Variants in OR52E2 observed in about 807,000 individuals in gnomAD.
The protein encoded by OR52E2 is olfactory receptor family 52 subfamily E member 2, also known as olfactory receptor 52E2.
For synonymous variants in OR52E2, 130 were observed against 143.9 expected, an observed-to-expected ratio of 0.90 and a Z score of 0.69; for missense variants, 443 against 403.9, an observed-to-expected ratio of 1.10 and a Z score of -0.83.
Position 5,059,418 on chromosome 11 carries a change from G to T in OR52E2, c.210C>A (p.Thr70=). 6.2e-7 allele frequency: 1 copy of T among 1,613,702 alleles called. No individual in the cohort carries two copies. Residue 70 remains threonine, a synonymous_variant, in exon 1 of 1, where the codon ACC becomes ACA. Transcript: ENST00000321522. ...PMFYFLAMLA[T]TDVGLSTATI... is the part of the protein sequence containing the mutation. Reference sequence around the variant, plus strand: ...TAGCTGTTGAGAGACCCACATCAGTGGTGGCCAACATGGCCAGGAAGTAGA... The same window carrying T: ...TAGCTGTTGAGAGACCCACATCAGTTGTGGCCAACATGGCCAGGAAGTAGA...
rs1847684482 is a variant in OR52E2, at chr11:5,059,097, G to A, written c.531C>T (p.Pro177=). 1.9e-6 allele frequency: 3 copies of A among 1,613,148 alleles called. No homozygotes were observed. Among genetic ancestry groups the A allele is most frequent in the African/African-American group, 1.3e-5 (1 of 74,972 alleles). Residue 177 remains proline (P), a synonymous_variant, in exon 1 of 1, where the codon CCC becomes CCT. Coordinates refer to ENST00000321522, the MANE Select transcript of OR52E2 (RefSeq NM_001005164.2). ...GACCCATGTGCTCACAGTAGGTGTG[G>A]GGAATTACATGATTCCCACAGAAGG... ...RLPFCGNHVI[P]HTYCEHMGLA...
In OR52E2 at chr11:5,059,245, A is replaced by G; in HGVS notation, c.383T>C (p.Ile128Thr). ...GGCGCTATATTGGAGTGGATTGCAG[A>G]TGGCCACATAGCTGTCATAAGCCAT... ...VAMAYDSYVA[I>T]CNPLQYSAIL... The change falls in exon 1 of 1, where the codon ATC becomes ACC. Residue 128 changes from isoleucine (I) to threonine (T), a missense_variant. Transcript: ENST00000321522. 2 of 1,613,786 alleles carry G rather than the reference A, an allele frequency of 1.2e-6. No individual in the cohort carries two copies. Among genetic ancestry groups the G allele is most frequent in the Non-Finnish European group, 1.7e-6 (2 of 1,179,912 alleles).
In OR52E2 at chr11:5,058,932, A is replaced by T; in HGVS notation, c.696T>A (p.His232Gln). ...TGCTGAGGGACTTGAGTCGGGCTTC[A>T]TGAGTAGGAAGACGGAAAACAGCAC... Reference protein sequence around the residue: ...ILCAVFRLPTHEARLKSLSTC... With the variant: ...ILCAVFRLPTQEARLKSLSTC... The change falls in exon 1 of 1, where the codon CAT (histidine) becomes CAA (glutamine). Residue 232 changes from histidine to glutamine, a missense_variant. By Grantham distance (24) the His-to-Gln change is conservative. Coordinates refer to ENST00000321522, the MANE Select transcript of OR52E2 (RefSeq NM_001005164.2). The T allele has an allele frequency of 6.2e-7, 1 of 1,601,946 alleles. No individual in the cohort carries two copies. Among genetic ancestry groups the T allele is most frequent in the South Asian group, 1.1e-5 (1 of 88,548 alleles).
chr11:5,058,867 G>A lies in OR52E2; in HGVS notation c.761C>T (p.Thr254Ile), dbSNP rs1847679643. 1.3e-6 allele frequency: 2 copies of A among 1,574,610 alleles called. No individual in the cohort carries two copies. The highest frequency in any genetic ancestry group is 1.4e-5 in the African/African-American group (1 of 73,360). Residue 254 changes from threonine to isoleucine, a missense_variant, in exon 1 of 1, where the codon ACA becomes ATA. Coordinates refer to ENST00000321522, the MANE Select transcript of OR52E2 (RefSeq NM_001005164.2). ...AGTCATAAAGGAAAAGAGGGCTGGT[G>A]TATAGAAGGCAAGGATTACACACAC... ...SHVCVILAFYTPALFSFMTHR... is the reference protein window; with the variant it reads ...SHVCVILAFYIPALFSFMTHR...
In OR52E2 at chr11:5,059,552, G is replaced by A; in HGVS notation, c.76C>T (p.His26Tyr). The change falls in exon 1 of 1, where the codon CAC (histidine) becomes TAC (tyrosine). Residue 26 changes from histidine to tyrosine, a missense_variant. By Grantham distance (83) the His-to-Tyr change is moderately conservative (BLOSUM62 2). Transcript: ENST00000321522. ...LLGIPGLETL[H>Y]IWIGFPFCAV... Reference sequence around the variant, plus strand: ...CAGAAGGGAAAGCCGATCCAGATGTGAAGTGTTTCTAGTCCTGGGATCCCC... The same window carrying A: ...CAGAAGGGAAAGCCGATCCAGATGTAAAGTGTTTCTAGTCCTGGGATCCCC... 5.0e-6 allele frequency: 8 copies of A among 1,613,702 alleles called. No individual in the cohort carries two copies. Among genetic ancestry groups the A allele is most frequent in the Non-Finnish European group, 6.8e-6 (8 of 1,179,794 alleles).
Position 5,058,930 on chromosome 11 carries a change from T to C in OR52E2, c.698A>G (p.Glu233Gly). The C allele has an allele frequency of 6.2e-7, 1 of 1,601,316 alleles. No homozygotes were observed. The highest frequency in any genetic ancestry group is 1.1e-5 in the South Asian group (1 of 88,386). Residue 233 changes from glutamate to glycine, a missense_variant, in exon 1 of 1, where the codon GAA becomes GGA. Transcript: ENST00000321522. ...LCAVFRLPTH[E>G]ARLKSLSTCG... ...TGTGCTGAGGGACTTGAGTCGGGCT[T>C]CATGAGTAGGAAGACGGAAAACAGC...
At position 5,059,104 on chromosome 11, in the gene OR52E2, A is replaced by T; in HGVS notation, c.524T>A (p.Val175Glu). The T allele has an allele frequency of 6.2e-7, 1 of 1,613,262 alleles. No individual in the cohort carries two copies. Among genetic ancestry groups the T allele is most frequent in the Admixed American group, 1.7e-5 (1 of 59,880 alleles). The change falls in exon 1 of 1, where the codon GTA (valine) becomes GAA (glutamate). Residue 175 changes from valine (V) to glutamate (E), a missense_variant. Transcript: ENST00000321522. ...ILRLPFCGNH[V>E]IPHTYCEHMG... ...GTGCTCACAGTAGGTGTGGGGAATT[A>T]CATGATTCCCACAGAAGGGCAACCG... is the stretch of plus-strand genomic sequence containing the variant.
In OR52E2 at chr11:5,059,241, G is replaced by A. The variant is rs1432208815; in HGVS notation, c.387C>T (p.Cys129=). ...GGATGGCGCTATATTGGAGTGGATT[G>A]CAGATGGCCACATAGCTGTCATAAG... is the stretch of plus-strand genomic sequence containing the variant. ...AMAYDSYVAI[C]NPLQYSAILT... Residue 129 remains cysteine (C), a synonymous_variant, in exon 1 of 1, where the codon TGC becomes TGT. Transcript: ENST00000321522. The A allele has an allele frequency of 6.2e-7, 1 of 1,613,722 alleles. No individual in the cohort carries two copies. The highest frequency in any genetic ancestry group is 1.7e-5 in the Admixed American group (1 of 59,904).
chr11:5,059,403 G>A lies in OR52E2; in HGVS notation c.225C>T (p.Leu75=). The part of the protein sequence containing the change: ...LAMLATTDVG[L]STATIPKMLG... ...GCATCTTAGGGATGGTAGCTGTTGA[G>A]AGACCCACATCAGTGGTGGCCAACA... The change falls in exon 1 of 1, where the codon CTC becomes CTT. Residue 75 remains leucine, a synonymous_variant. Transcript: ENST00000321522. The A allele has an allele frequency of 6.8e-6, 11 of 1,613,764 alleles. No homozygotes were observed. The highest frequency in any genetic ancestry group is 9.3e-6 in the Non-Finnish European group (11 of 1,179,832).
Position 5,059,535 on chromosome 11 carries a change from A to T in OR52E2, c.93T>A (p.Phe31Leu), listed in dbSNP as rs1270305220. 6.2e-7 allele frequency: 1 copy of T among 1,613,876 alleles called. No homozygotes were observed. Among genetic ancestry groups the T allele is most frequent in the African/African-American group, 1.3e-5 (1 of 75,024 alleles). ...GLETLHIWIG[F>L]PFCAVYMIAL... ...CGATCATGTACACAGCACAGAAGGG[A>T]AAGCCGATCCAGATGTGAAGTGTTT... Residue 31 changes from phenylalanine to leucine, a missense_variant, in exon 1 of 1, where the codon TTT becomes TTA. Coordinates refer to ENST00000321522, the MANE Select transcript of OR52E2 (RefSeq NM_001005164.2).
In OR52E2 at chr11:5,058,703, A is replaced by G. The variant is rs1315312091; in HGVS notation, c.925T>C (p.Leu309=). The G allele has an allele frequency of 4.6e-6, 7 of 1,518,424 alleles. No individual in the cohort carries two copies. The highest frequency in any genetic ancestry group is 5.3e-6 in the Non-Finnish European group (6 of 1,134,706). 94.1% of individuals were successfully genotyped at this position (1,518,424 alleles called of 1,614,324 possible). A position where few individuals can be genotyped will look rare whatever the true frequency, so the allele number is the denominator to read the frequency against. ...TCCTTTTCCATTCCTTGTTCCTGCA[A>G]TAATATTTTCTTCACACATTTATAG... ...QIYKCVKKIL[L]QEQGMEKEEY... The change falls in exon 1 of 1, where the codon TTG becomes CTG. Residue 309 remains leucine, a synonymous_variant. Coordinates refer to ENST00000321522, the MANE Select transcript of OR52E2 (RefSeq NM_001005164.2).
Position 5,059,541 on chromosome 11 carries a change from G to C in OR52E2, c.87C>G (p.Ile29Met). 2.5e-6 allele frequency: 4 copies of C among 1,613,786 alleles called. No individual in the cohort carries two copies. Among genetic ancestry groups the C allele is most frequent in the Non-Finnish European group, 3.4e-6 (4 of 1,179,842 alleles). ...IPGLETLHIW[I>M]GFPFCAVYMI... ...TGTACACAGCACAGAAGGGAAAGCC[G>C]ATCCAGATGTGAAGTGTTTCTAGTC... The change falls in exon 1 of 1, where the codon ATC (isoleucine) becomes ATG (methionine). Residue 29 changes from isoleucine to methionine, a missense_variant. Transcript: ENST00000321522.
rs761795642 is a variant in OR52E2 at position 5,059,250 on chromosome 11, C to T, written c.378G>A (p.Val126=). 1.2e-6 allele frequency: 2 copies of T among 1,613,416 alleles called. No homozygotes were observed. Among genetic ancestry groups the T allele is most frequent in the Non-Finnish European group, 1.7e-6 (2 of 1,179,828 alleles). The change falls in exon 1 of 1, where the codon GTG becomes GTA. Residue 126 remains valine (V), a synonymous_variant. Transcript: ENST00000321522. ...TATATTGGAGTGGATTGCAGATGGCCACATAGCTGTCATAAGCCATTGCCA... is the reference window on the plus strand; with the variant it reads ...TATATTGGAGTGGATTGCAGATGGCTACATAGCTGTCATAAGCCATTGCCA... ...VLVAMAYDSY[V]AICNPLQYSA... is the part of the protein sequence containing the mutation.
In OR52E2 at chr11:5,059,071, A is replaced by T. The variant is rs369203263; in HGVS notation, c.557T>A (p.Leu186His). 9.3e-6 allele frequency: 15 copies of T among 1,613,214 alleles called. No homozygotes were observed. The highest frequency in any genetic ancestry group is 1.3e-5 in the Non-Finnish European group (15 of 1,179,634). The change falls in exon 1 of 1, where the codon CTT becomes CAT. Residue 186 changes from leucine to histidine, a missense_variant. Physicochemically the swap from Leu to His is moderately conservative, Grantham distance 99 (BLOSUM62 -3). Coordinates refer to ENST00000321522, the MANE Select transcript of OR52E2 (RefSeq NM_001005164.2). Reference sequence around the variant, plus strand: ...GATGCTGGCACAAGATAGATGAGCAAGACCCATGTGCTCACAGTAGGTGTG... The same window carrying T: ...GATGCTGGCACAAGATAGATGAGCATGACCCATGTGCTCACAGTAGGTGTG... ...IPHTYCEHMG[L>H]AHLSCASIKI...
chr11:5,059,084 C>G lies in OR52E2; in HGVS notation c.544G>C (p.Glu182Gln), dbSNP rs1377676800. Residue 182 changes from glutamate to glutamine, a missense_variant, in exon 1 of 1, where the codon GAG becomes CAG. By Grantham distance (29) the Glu-to-Gln change is conservative. Transcript: ENST00000321522. The part of the protein sequence containing the change: ...GNHVIPHTYC[E>Q]HMGLAHLSCA... ...GATAGATGAGCAAGACCCATGTGCT[C>G]ACAGTAGGTGTGGGGAATTACATGA... 4 of 1,612,992 alleles carry G rather than the reference C, an allele frequency of 2.5e-6. No individual in the cohort carries two copies. Among genetic ancestry groups the G allele is most frequent in the Non-Finnish European group, 2.5e-6 (3 of 1,179,576 alleles).
rs1847677828 is a variant in OR52E2, at chr11:5,058,780, A to C, written c.848T>G (p.Val283Gly). 6.3e-7 allele frequency: 1 copy of C among 1,598,908 alleles called. No homozygotes were observed. The highest frequency in any genetic ancestry group is 8.5e-7 in the Non-Finnish European group (1 of 1,174,558). ...IHILLANLYV[V>G]VPPMLNPVIY... ...GACAGGATTGAGCATTGGTGGCACC[A>C]CAACATAGAGATTGGCTAGGAGTAT... The change falls in exon 1 of 1, where the codon GTG becomes GGG. Residue 283 changes from valine to glycine, a missense_variant. Coordinates refer to ENST00000321522, the MANE Select transcript of OR52E2 (RefSeq NM_001005164.2).
rs1285230895 is a variant in OR52E2, at chr11:5,059,089, T to C, written c.539A>G (p.Tyr180Cys). ...ATGAGCAAGACCCATGTGCTCACAG[T>C]AGGTGTGGGGAATTACATGATTCCC... ...FCGNHVIPHTYCEHMGLAHLS... is the reference protein window; with the variant it reads ...FCGNHVIPHTCCEHMGLAHLS... Residue 180 changes from tyrosine (Y) to cysteine (C), a missense_variant, in exon 1 of 1, where the codon TAC (tyrosine) becomes TGC (cysteine). By Grantham distance (194) the Tyr-to-Cys change is radical. Coordinates refer to ENST00000321522, the MANE Select transcript of OR52E2 (RefSeq NM_001005164.2). 1.2e-6 allele frequency: 2 copies of C among 1,613,064 alleles called. No individual in the cohort carries two copies. The highest frequency in any genetic ancestry group is 2.2e-5 in the South Asian group (2 of 90,920).
rs199936023 is a variant in OR52E2 at position 5,059,431 on chromosome 11, G to A, written c.197C>T (p.Ala66Val). 1.2e-6 allele frequency: 2 copies of A among 1,613,770 alleles called. No individual in the cohort carries two copies. The highest frequency in any genetic ancestry group is 1.1e-5 in the South Asian group (1 of 91,052). Residue 66 changes from alanine to valine, a missense_variant, in exon 1 of 1, where the codon GCC becomes GTC. Transcript: ENST00000321522. ...ACCCACATCAGTGGTGGCCAACATGGCCAGGAAGTAGAACATGGGCTGGTG... is the reference window on the plus strand; with the variant it reads ...ACCCACATCAGTGGTGGCCAACATGACCAGGAAGTAGAACATGGGCTGGTG... ...SLHQPMFYFL[A>V]MLATTDVGLS...
Position 5,059,086 on chromosome 11 carries a change from C to G in OR52E2, c.542G>C (p.Cys181Ser). Residue 181 changes from cysteine to serine, a missense_variant, in exon 1 of 1, where the codon TGT becomes TCT. Coordinates refer to ENST00000321522, the MANE Select transcript of OR52E2 (RefSeq NM_001005164.2). ...TAGATGAGCAAGACCCATGTGCTCA[C>G]AGTAGGTGTGGGGAATTACATGATT... ...CGNHVIPHTYCEHMGLAHLSC... is the reference protein window; with the variant it reads ...CGNHVIPHTYSEHMGLAHLSC... The G allele has an allele frequency of 6.2e-7, 1 of 1,613,002 alleles. No homozygotes were observed. The highest frequency in any genetic ancestry group is 1.3e-5 in the African/African-American group (1 of 74,980).
Sources: allele counts gnomAD v4.1 joint callset, GRCh38; gene constraint gnomAD v4.1.1; transcripts MANE v1.5; gene names NCBI Gene and HGNC (gene_info 2026-07-23, HGNC 2026-07-21).